The following FOXP2 variants were observed in gnomAD, a reference collection of about 807,000 sequenced individuals.
FOXP2 encodes forkhead box P2.
FOXP2 carries 12 observed loss-of-function variants against 115.8 expected under a neutral mutation model. That is an observed-to-expected ratio of 0.10 (90% CI 0.07 to 0.17). FOXP2 has a LOEUF of 0.17. FOXP2 is among the 10% of genes least tolerant of loss of function. The pLI is 1.00. For synonymous variants in FOXP2, 328 were observed against 297.7 expected, an observed-to-expected ratio of 1.10 and a Z score of -1.05; for missense variants, 629 against 843.5, an observed-to-expected ratio of 0.75 and a Z score of 3.15.
chr7:114,511,737 A>G (rs921540157), intron 2 of FOXP2, among the ~76,000 whole-genome samples: 1 of 152,150 alleles, frequency 6.6e-6, no homozygotes. Context: ...ATTGTGAAGG[A>G]TATTGTGGTA....
intron 2 of FOXP2, among the ~76,000 whole-genome samples, chr7:114,458,001 A>G (rs116865421): frequency 3.5e-4 from 54 of 152,376 alleles, no homozygotes; most frequent in Non-Finnish European, 7.1e-4. Context: ...AACAGAAATT[A>G]AGATTTTAAA....
chr7:114,592,351 G>T (rs1435149002), intron 3 of FOXP2, among the ~76,000 whole-genome samples: 1 of 151,914 alleles, frequency 6.6e-6, no homozygotes, highest in Non-Finnish European at 1.5e-5. Context: ...GTAGTATGTT[G>T]TGTCCCTTAA....
At chr7:114,622,442 T>C (rs1314123750) in intron 3 of FOXP2, among the ~76,000 whole-genome samples, 1 of 151,918 alleles carries the variant, frequency 6.6e-6, no homozygotes, top group Non-Finnish European at 1.5e-5. Flanking sequence ...GAGCAATTAC[T>C]TCTCTGCTTT....
At chr7:114,102,595 A>G (rs1439457937) in intron 1 of FOXP2, among the ~76,000 whole-genome samples, 1 of 134,710 alleles carries the variant, frequency 7.4e-6, no homozygotes, top group African/African-American at 2.7e-5. Context: ...TTAAACATGT[A>G]AAAAAAAAAA....
chr7:114,312,639 T>A (rs1292135605), intron 2 of FOXP2, among the ~76,000 whole-genome samples: 4 of 152,082 alleles, frequency 2.6e-5, no homozygotes, highest in Non-Finnish European at 5.9e-5. Context: ...AGGGTCAGAG[T>A]CAAATAACTG....
At chr7:114,688,442 A>G (rs1808490946) in intron 16 of FOXP2, among the ~76,000 whole-genome samples, 1 of 152,170 alleles carries the variant, frequency 6.6e-6, no homozygotes, top group Non-Finnish European at 1.5e-5. Flanking sequence ...TTAAAATTCA[A>G]AGTTACTTCT....
rs374513663 is a variant in FOXP2 at position 114,317,830 on chromosome 7, GGTCTTGCCACAGTAGCC to G, written c.-11+29722_-11+29738del. On this transcript the variant is annotated intron_variant, in intron 2 of 17. Coordinates refer to the FOXP2 transcript ENST00000634411. The stretch of plus-strand genomic sequence containing the variant: ...TATTACCCTCCCTCTCCTTCATTCT[GGTCTTGCCACAGTAGCC>G]TTCTTGCTGTTTGTTAAACACACTA... Among the ~76,000 whole-genome samples the G allele has an allele frequency of 1.5e-3, 229 of 152,092 alleles. 2 individuals are homozygous for G. Among genetic ancestry groups the G allele is most frequent in the African/African-American group, 5.2e-3 (214 of 41,480 alleles).
chr7:114,220,968 AAGT>A (rs992207931), intron 1 of FOXP2, among the ~76,000 whole-genome samples: 3 of 152,098 alleles, frequency 2.0e-5, no homozygotes, highest in Admixed American at 6.5e-5. Flanking sequence ...GTTGTGGGAG[AAGT>A]AGTAGCATAA....
intron 2 of FOXP2, among the ~76,000 whole-genome samples, chr7:114,300,357 C>T (rs1796850524): frequency 6.6e-6 from 1 of 151,824 alleles, no homozygotes. Context: ...ATATTTTGTC[C>T]TTAAAATATG....
intron 1 of FOXP2, among the ~76,000 whole-genome samples, chr7:114,251,683 T>C (rs2129169536): frequency 6.6e-6 from 1 of 152,308 alleles, no homozygotes; most frequent in East Asian, 1.9e-4. Context: ...CTTAAGGAGA[T>C]TTTGAGCTGT....
chr7:114,459,774 C>T (rs1033030573), intron 2 of FOXP2, among the ~76,000 whole-genome samples: 1 of 152,064 alleles, frequency 6.6e-6, no homozygotes, highest in Non-Finnish European at 1.5e-5. Context: ...TGCCACCACG[C>T]CCGGCTACTT....
chr7:114,200,926 G>A (rs567424541), intron 1 of FOXP2, among the ~76,000 whole-genome samples: 3 of 152,080 alleles, frequency 2.0e-5, no homozygotes, highest in South Asian at 2.1e-4. Context: ...AGGCTGAGGC[G>A]GGTGGATCAC....
At chr7:114,604,204 G>A (rs139231274) in intron 3 of FOXP2, among the ~76,000 whole-genome samples, 15 of 152,162 alleles carry the variant, frequency 9.9e-5, no homozygotes, top group African/African-American at 3.1e-4. Flanking sequence ...TAGTGAATCC[G>A]CACCTGGCAA....
chr7:114,154,681 T>C (rs1237506109), intron 1 of FOXP2, among the ~76,000 whole-genome samples: 2 of 152,120 alleles, frequency 1.3e-5, no homozygotes. Flanking sequence ...ATATATTATT[T>C]AATGGAAATT....
chr7:114,606,088 G>C (rs532119691), intron 3 of FOXP2, among the ~76,000 whole-genome samples: 1 of 152,192 alleles, frequency 6.6e-6, no homozygotes, highest in Non-Finnish European at 1.5e-5. Context: ...GAAATGATTG[G>C]GCAGTAGTTA....
At chr7:114,114,190 G>C (rs1350341902) in intron 1 of FOXP2, among the ~76,000 whole-genome samples, 1 of 151,202 alleles carries the variant, frequency 6.6e-6, no homozygotes, top group Non-Finnish European at 1.5e-5. Flanking sequence ...AAAACAAAAT[G>C]TAATTAGTTA....
intron 1 of FOXP2, among the ~76,000 whole-genome samples, chr7:114,203,113 T>C (rs1794113797): frequency 6.6e-6 from 1 of 152,252 alleles, no homozygotes; most frequent in Non-Finnish European, 1.5e-5. Context: ...CTGGATGGTT[T>C]CTGAGGATTC....
At chr7:114,674,378 A>G (rs1001045989) in intron 16 of FOXP2, among the ~76,000 whole-genome samples, 1 of 152,186 alleles carries the variant, frequency 6.6e-6, no homozygotes, top group Non-Finnish European at 1.5e-5. Flanking sequence ...CCAATTTTTG[A>G]ATCCCCTTTT....
intron 2 of FOXP2, among the ~76,000 whole-genome samples, chr7:114,369,272 TA>T (rs1193789015): frequency 1.3e-5 from 2 of 152,200 alleles, no homozygotes; most frequent in Admixed American, 1.3e-4. Flanking sequence ...AGCCCAATTT[TA>T]AGAGGAGGGG....
Sources: gnomAD v4.1 joint callset for allele counts (sites outside exome capture counted in the v4.1 genomes callset) on GRCh38, gnomAD v4.1.1 for gene constraint, MANE v1.5 for transcripts, NCBI Gene and HGNC (gene_info 2026-07-23, HGNC 2026-07-21) for gene names.